Variants in ATG3 observed in about 807,000 individuals in gnomAD.
ATG3 encodes the protein ubiquitin-like-conjugating enzyme ATG3.
In ATG3, 25 loss-of-function variants were observed where a neutral mutation model predicts 50.7. That is an observed-to-expected ratio of 0.49 (90% confidence interval 0.36 to 0.69). The LOEUF (loss-of-function observed/expected upper bound fraction) is 0.69. ATG3 is among the 30% of genes least tolerant of loss of function. ATG3 has a pLI of 0.00. For synonymous variants in ATG3, 119 were observed against 125.5 expected (o/e 0.95, Z 0.34); for missense variants, 281 against 376.0 (o/e 0.75, Z 2.09).
chr3:112,537,885 G>A lies in ATG3; in HGVS notation c.516C>T (p.Thr172=). 2 of 1,598,262 alleles carry A rather than the reference G, an allele frequency of 1.3e-6. No individual in the cohort carries two copies. Among genetic ancestry groups the A allele is most frequent in the South Asian group, 2.3e-5 (2 of 87,712 alleles). ...CTTCTACTATTTTCCTTGTATCTAG[G>A]GTAGCCTGAAAATAATAAAAGAGAA... The part of the protein sequence containing the change: ...ESGLLETDEA[T]LDTRKIVEAC... Residue 172 remains threonine, a synonymous_variant, in exon 9 of 12, where the codon ACC becomes ACT. Coordinates refer to ENST00000283290, the MANE Select transcript of ATG3 (RefSeq NM_022488.5).
At chr3:112,545,108 C>T (rs2705559) in intron 5 of ATG3, among the ~76,000 whole-genome samples, 2 of 152,002 alleles carry the variant, frequency 1.3e-5, no homozygotes, top group South Asian at 2.1e-4. Context: ...CTTATGAGGA[C>T]GTTACAGTAA....
intron 1 of ATG3, among the ~76,000 whole-genome samples, chr3:112,560,199 A>G (rs1933811362): frequency 6.6e-6 from 1 of 152,236 alleles, no homozygotes; most frequent in Non-Finnish European, 1.5e-5. Flanking sequence ...ATGGTGTATT[A>G]TTAAAATACT....
intron 4 of ATG3, among the ~76,000 whole-genome samples, chr3:112,549,797 C>CAA (rs1491072699): frequency 1.5e-4 from 4 of 26,412 alleles, no homozygotes; most frequent in African/African-American, 4.2e-4. Context: ...CTCAAAACAA[C>CAA]CAAAAAAAAA....
At chr3:112,549,271 T>A (rs772706966) in intron 4 of ATG3, among the ~76,000 whole-genome samples, 1 of 152,000 alleles carries the variant, frequency 6.6e-6, no homozygotes, top group South Asian at 2.1e-4. Context: ...AAAAGCATTA[T>A]GGTATAAGGT....
intron 4 of ATG3, among the ~76,000 whole-genome samples, chr3:112,548,890 G>T (rs1933447960): frequency 6.6e-6 from 1 of 152,144 alleles, no homozygotes; most frequent in South Asian, 2.1e-4. Flanking sequence ...AATGTTCTAT[G>T]CATTCCTTTA....
intron 7 of ATG3, 29 bp downstream of exon 7, chr3:112,541,774 G>C: frequency 6.5e-7 from 1 of 1,539,224 alleles, no homozygotes; most frequent in South Asian, 1.1e-5. Flanking sequence ...TATTCTAGTG[G>C]AACTGAAGCA....
At chr3:112,540,578 A>G (rs1933198112) in intron 7 of ATG3, among the ~76,000 whole-genome samples, 1 of 152,104 alleles carries the variant, frequency 6.6e-6, no homozygotes. Context: ...ATGCCAAACT[A>G]CAGAATGCCA....
intron 10 of ATG3, chr3:112,535,175 T>C (rs1932987138): frequency 6.6e-6 from 1 of 152,120 alleles, no homozygotes; most frequent in Admixed American, 6.5e-5. Context: ...TACCTTGGCT[T>C]AAATAATGCT....
chr3:112,536,671 CA>C, intron 9 of ATG3, 69 bp from the exon 10 acceptor site: 2 of 1,556,092 alleles, frequency 1.3e-6, no homozygotes. Flanking sequence ...CCTGTAATCC[CA>C]GCACTGTGGG....
chr3:112,556,038 CTT>C (rs560565081), intron 2 of ATG3, among the ~76,000 whole-genome samples: 1 of 152,038 alleles, frequency 6.6e-6, no homozygotes, highest in Non-Finnish European at 1.5e-5. Flanking sequence ...CATCTCCGCT[CTT>C]GATTTCAGAT....
At chr3:112,557,619 G>GA (rs967162063) in intron 2 of ATG3, among the ~76,000 whole-genome samples, 7 of 150,828 alleles carry the variant, frequency 4.6e-5, no homozygotes, top group African/African-American at 9.7e-5. Context: ...TCCGTCTCAA[G>GA]AAAAAAAAAT....
chr3:112,542,445 G>C (rs1933258045), intron 6 of ATG3, among the ~76,000 whole-genome samples: 1 of 151,844 alleles, frequency 6.6e-6, no homozygotes, highest in Non-Finnish European at 1.5e-5. Context: ...TTAACATCTG[G>C]GTATCGTTTT....
chr3:112,542,921 A>G (rs2952326), intron 6 of ATG3, among the ~76,000 whole-genome samples: 34,119 of 151,954 alleles, frequency 0.22, 6,999 homozygotes, highest in African/African-American at 0.54. Context: ...AAGATCTTCT[A>G]AAACAGCAAA....
intron 11 of ATG3, chr3:112,533,443 G>C: frequency 1.0e-6 from 1 of 985,246 alleles, no homozygotes; most frequent in South Asian, 4.7e-5. Flanking sequence ...AATATGGTTT[G>C]GACTGGAAGT....
At chr3:112,549,798 CAAA>C (rs71631400) in intron 4 of ATG3, among the ~76,000 whole-genome samples, 9,187 of 116,664 alleles carry the variant, frequency 0.079, 368 homozygotes, top group Admixed American at 0.14. Flanking sequence ...TCAAAACAAC[CAAA>C]AAAAAAAAAA....
At chr3:112,547,510 C>T (rs1367841267) in intron 5 of ATG3, among the ~76,000 whole-genome samples, 1 of 152,196 alleles carries the variant, frequency 6.6e-6, no homozygotes, top group Non-Finnish European at 1.5e-5. Context: ...ACTTAGAGCA[C>T]ATTTTCTTCA....
intron 5 of ATG3, among the ~76,000 whole-genome samples, chr3:112,544,725 C>A (rs1576719848): frequency 6.9e-6 from 1 of 144,474 alleles, no homozygotes; most frequent in East Asian, 2.1e-4. Context: ...TTTAATTAAA[C>A]TTGCATCAAA....
In ATG3 at chr3:112,561,581, G is replaced by A; in HGVS notation, c.-53C>T. ...GCGACGGGATGGAAAGTGCAGCCGT[G>A]TCAGGGGCCAGGGAGTCAGAAAATG... is the stretch of plus-strand genomic sequence containing the variant. On this transcript the variant is annotated 5_prime_UTR_variant, in exon 1 of 12. Coordinates refer to ENST00000283290, the MANE Select transcript of ATG3 (RefSeq NM_022488.5). 6.4e-7 allele frequency: 1 copy of A among 1,565,138 alleles called. No homozygotes were observed. The highest frequency in any genetic ancestry group is 8.7e-7 in the Non-Finnish European group (1 of 1,148,988).
chr3:112,542,314 TAAC>T (rs1933253807), intron 6 of ATG3, among the ~76,000 whole-genome samples: 2 of 152,170 alleles, frequency 1.3e-5, no homozygotes, highest in South Asian at 2.1e-4. Flanking sequence ...TCTAATTTGT[TAAC>T]AATATCTTAG....
Sources: gnomAD v4.1 joint callset for allele counts (sites outside exome capture counted in the v4.1 genomes callset) on GRCh38, gnomAD v4.1.1 for gene constraint, MANE v1.5 for transcripts, NCBI Gene and HGNC (gene_info 2026-07-23, HGNC 2026-07-21) for gene names.